The following AOPEP variants were observed in gnomAD, a reference collection of about 807,000 sequenced individuals.
AOPEP encodes aminopeptidase O (putative).
In AOPEP, 77 loss-of-function variants were observed where a neutral mutation model predicts 98.1. That is an observed-to-expected ratio of 0.78 (90% confidence interval 0.65 to 0.95). AOPEP has a LOEUF of 0.95. Among genes scored for constraint, AOPEP ranks in the 40% least tolerant of loss-of-function variants. AOPEP has a pLI of 0.00. For synonymous variants in AOPEP, 346 were observed against 365.3 expected (o/e 0.95, Z 0.60); for missense variants, 1,024 against 1,024.7 (o/e 1.00, Z 0.01).
intron 13 of AOPEP, among the ~76,000 whole-genome samples, chr9:95,054,343 T>C (rs1040091753): frequency 1.3e-5 from 2 of 152,210 alleles, no homozygotes; most frequent in African/African-American, 4.8e-5. Context: ...TTGGAAATTT[T>C]CAATTTGAGT....
intron 10 of AOPEP, 52 bp downstream of exon 10, chr9:94,967,853 A>T: frequency 7.0e-7 from 1 of 1,436,194 alleles, no homozygotes; most frequent in South Asian, 1.1e-5. Flanking sequence ...TTAATGTTAA[A>T]AATGACATTG....
intron 2 of AOPEP, among the ~76,000 whole-genome samples, chr9:94,770,518 CG>C (rs1312257450): frequency 6.6e-6 from 1 of 152,142 alleles, no homozygotes; most frequent in Admixed American, 6.5e-5. Flanking sequence ...GACTCACTCG[CG>C]TGGCTGTTGC....
At chr9:95,012,895 C>T (rs981147006) in intron 13 of AOPEP, among the ~76,000 whole-genome samples, 20 of 142,346 alleles carry the variant, frequency 1.4e-4, no homozygotes, top group Non-Finnish European at 1.1e-4. Context: ...ATTTTTTTTT[C>T]GCTATTCAGG....
chr9:95,022,590 T>C (rs955704739), intron 13 of AOPEP, among the ~76,000 whole-genome samples: 20 of 152,106 alleles, frequency 1.3e-4, no homozygotes, highest in Non-Finnish European at 1.5e-4. Flanking sequence ...CCGCCCGCCT[T>C]GGCCTCCCAA....
At chr9:95,038,575 C>A (rs1268890524) in intron 13 of AOPEP, among the ~76,000 whole-genome samples, 1 of 152,236 alleles carries the variant, frequency 6.6e-6, no homozygotes, top group Admixed American at 6.5e-5. Context: ...TAAATAACTT[C>A]TTTTGTTGCA....
At chr9:94,879,687 G>A (rs968677350) in intron 5 of AOPEP, among the ~76,000 whole-genome samples, 2 of 152,200 alleles carry the variant, frequency 1.3e-5, no homozygotes, top group Non-Finnish European at 1.5e-5. Context: ...CAGCAAGGGC[G>A]ATAACTGAAT....
At chr9:94,976,462 A>T (rs927999827) in intron 10 of AOPEP, among the ~76,000 whole-genome samples, 2 of 152,156 alleles carry the variant, frequency 1.3e-5, no homozygotes, top group African/African-American at 4.8e-5. Context: ...TCACTCAAAA[A>T]TAGCAATTAA....
intron 11 of AOPEP, among the ~76,000 whole-genome samples, chr9:94,979,642 C>T (rs576920100): frequency 2.0e-5 from 3 of 152,278 alleles, no homozygotes; most frequent in Non-Finnish European, 2.9e-5. Flanking sequence ...CCGTGGTATA[C>T]GTGGAATTGA....
chr9:94,898,457 A>G (rs1264733756), intron 5 of AOPEP, among the ~76,000 whole-genome samples: 1 of 151,614 alleles, frequency 6.6e-6, no homozygotes, highest in African/African-American at 2.4e-5. Context: ...CATCTCTACT[A>G]AAAGTACAAA....
At chr9:95,126,440 G>A in the AOPEP span, 33 of 1,265,164 alleles carry the variant, frequency 2.6e-5, no homozygotes, top group Non-Finnish European at 3.7e-5. Context: ...CCATGATACA[G>A]CCAGAGACTA....
intron 5 of AOPEP, among the ~76,000 whole-genome samples, chr9:94,855,369 G>A (rs1203378134): frequency 6.6e-6 from 1 of 152,148 alleles, no homozygotes; most frequent in African/African-American, 2.4e-5. Context: ...TGAGCCATCA[G>A]GCCTGGCCGT....
chr9:95,107,929 A>C, the AOPEP span, among the ~76,000 whole-genome samples: 1 of 152,252 alleles, frequency 6.6e-6, no homozygotes. Context: ...TTGCATAAAA[A>C]ATACTCATTC....
At chr9:94,911,537 G>T (rs1003677950) in intron 5 of AOPEP, among the ~76,000 whole-genome samples, 5 of 152,178 alleles carry the variant, frequency 3.3e-5, no homozygotes, top group African/African-American at 1.2e-4. Context: ...AAAAAGTGAA[G>T]CAGACAGGGA....
intron 14 of AOPEP, among the ~76,000 whole-genome samples, chr9:95,070,734 A>G (rs1258390600): frequency 2.6e-5 from 4 of 152,262 alleles, no homozygotes; most frequent in African/African-American, 9.6e-5. Flanking sequence ...TGCAGAGAGC[A>G]GTGGGAGCTG....
At chr9:94,763,201 A>G (rs543293319) in intron 2 of AOPEP, 142 of 399,850 alleles carry the variant, frequency 3.6e-4, no homozygotes, top group Non-Finnish European at 6.7e-4. Flanking sequence ...CTTTTTTTGA[A>G]TTTGATCTTC....
At chr9:95,133,650 A>G in the AOPEP span, among the ~76,000 whole-genome samples, 1 of 152,226 alleles carries the variant, frequency 6.6e-6, no homozygotes, top group Non-Finnish European at 1.5e-5. Context: ...GAAAGGCTGG[A>G]AAAAAGGCAA....
chr9:94,947,037 C>T (rs1239497991), intron 7 of AOPEP, among the ~76,000 whole-genome samples: 3 of 150,190 alleles, frequency 2.0e-5, no homozygotes, highest in African/African-American at 4.9e-5. Flanking sequence ...AGTGCAGTGG[C>T]GCGATCTCGG....
At chr9:94,823,973 G>A (rs1229117390) in intron 5 of AOPEP, among the ~76,000 whole-genome samples, 1 of 152,110 alleles carries the variant, frequency 6.6e-6, no homozygotes, top group Non-Finnish European at 1.5e-5. Flanking sequence ...GTGACCCTTT[G>A]CTACTATTTA....
intron 5 of AOPEP, among the ~76,000 whole-genome samples, chr9:94,837,905 G>T (rs2041816080): frequency 6.6e-6 from 1 of 152,148 alleles, no homozygotes; most frequent in Non-Finnish European, 1.5e-5. Context: ...TGGAAGTTCT[G>T]GTCATAGCAA....
Sources: allele counts gnomAD v4.1 joint callset (sites outside exome capture counted in the v4.1 genomes callset), GRCh38; gene constraint gnomAD v4.1.1; transcripts MANE v1.5; gene names NCBI Gene and HGNC (gene_info 2026-07-23, HGNC 2026-07-21).